LPP: variants seen among roughly 807,000 people sequenced by gnomAD.
LPP encodes lipoma-preferred partner.
In LPP, 38 loss-of-function variants were observed where a neutral mutation model predicts 60.4. That is an observed-to-expected ratio of 0.63 (90% CI 0.49 to 0.83). The LOEUF (loss-of-function observed/expected upper bound fraction) is 0.83, where lower values mean the gene tolerates loss of function less well. LPP is among the 40% of genes least tolerant of loss of function. The pLI, the probability that LPP is intolerant of heterozygous loss-of-function variation, is 0.00. For missense variants in LPP, 902 were observed against 783.6 expected (o/e 1.15, Z -1.80); for synonymous variants, 328 against 290.8 (o/e 1.13, Z -1.30).
At chr3:188,636,899 C>T (rs1848936403) in intron 7 of LPP, among the ~76,000 whole-genome samples, 1 of 144,752 alleles carries the variant, frequency 6.9e-6, no homozygotes, top group Non-Finnish European at 1.5e-5. Flanking sequence ...ACACCAAAAA[C>T]CCATCTGTAC....
At chr3:188,179,302 G>A (rs1194982296) in intron 1 of LPP, 2 of 458,200 alleles carry the variant, frequency 4.4e-6, no homozygotes, top group Non-Finnish European at 8.8e-6. Flanking sequence ...ACCCGTGCAT[G>A]TGCCTCTGAT....
intron 3 of LPP, among the ~76,000 whole-genome samples, chr3:188,387,686 C>A (rs1778672166): frequency 6.6e-6 from 1 of 151,748 alleles, no homozygotes; most frequent in African/African-American, 2.4e-5. Context: ...CTTGTGCCAG[C>A]CTCCCGAGTA....
At chr3:188,401,515 A>G (rs1379888012) in intron 3 of LPP, among the ~76,000 whole-genome samples, 2 of 152,154 alleles carry the variant, frequency 1.3e-5, no homozygotes, top group East Asian at 3.9e-4. Flanking sequence ...AAGATTTTTC[A>G]TGTGCTTTCT....
At chr3:188,278,177 T>C (rs754095986) in intron 2 of LPP, among the ~76,000 whole-genome samples, 2 of 152,308 alleles carry the variant, frequency 1.3e-5, no homozygotes, top group East Asian at 3.9e-4. Context: ...GTGATCCATA[T>C]TGGATGGATG....
At chr3:188,170,282 T>A (rs1721172476) in intron 1 of LPP, among the ~76,000 whole-genome samples, 1 of 152,106 alleles carries the variant, frequency 6.6e-6, no homozygotes, top group Non-Finnish European at 1.5e-5. Context: ...CTCTGCCTTG[T>A]GAATCACTCT....
intron 2 of LPP, among the ~76,000 whole-genome samples, chr3:188,263,333 G>A (rs925332383): frequency 2.3e-4 from 35 of 152,302 alleles, no homozygotes; most frequent in African/African-American, 8.4e-4. Flanking sequence ...ACCAGCTCCA[G>A]TCAGACTTCA....
chr3:188,370,295 A>G (rs1484423409), intron 3 of LPP, among the ~76,000 whole-genome samples: 1 of 152,174 alleles, frequency 6.6e-6, no homozygotes, highest in Admixed American at 6.5e-5. Context: ...ACAGCTATAC[A>G]GAGAGCTCAT....
At chr3:188,593,153 GGTGTGTGTGTGTGT>G (rs10678737) in intron 6 of LPP, among the ~76,000 whole-genome samples, 3 of 148,394 alleles carry the variant, frequency 2.0e-5, no homozygotes, top group East Asian at 2.0e-4. Flanking sequence ...TCTGATGCCT[GGTGTGTGTGTGTGT>G]GTGTGTGTGT....
chr3:188,731,082 A>G (rs999642101), intron 8 of LPP, among the ~76,000 whole-genome samples: 1 of 152,162 alleles, frequency 6.6e-6, no homozygotes, highest in African/African-American at 2.4e-5. Flanking sequence ...ATACAGTAGC[A>G]TGTTCATAGG....
At chr3:188,561,000 G>C (rs1193444985) in intron 6 of LPP, among the ~76,000 whole-genome samples, 2 of 152,080 alleles carry the variant, frequency 1.3e-5, no homozygotes, top group African/African-American at 4.8e-5. Flanking sequence ...ATTTCAAGCA[G>C]CATCCTTCTC....
intron 6 of LPP, among the ~76,000 whole-genome samples, chr3:188,545,207 A>G (rs1362964317): frequency 7.0e-5 from 10 of 142,788 alleles, no homozygotes; most frequent in Admixed American, 7.0e-4. Flanking sequence ...ATACATATGT[A>G]ACTAACCTGC....
In LPP at chr3:188,502,354, A is replaced by T. The variant is rs143893972; in HGVS notation, c.306+17650A>T. On this transcript the variant is annotated intron_variant, in intron 5 of 11. Transcript: ENST00000617246. ...TTGATGTATTGAGCCTCTTATTAAT[A>T]TAATGTTCTTCATCTCTTTTTTGTC... Among the ~76,000 whole-genome samples, 538 of 152,310 alleles carry T rather than the reference A, an allele frequency of 3.5e-3. 6 individuals are homozygous for T. Among genetic ancestry groups the T allele is most frequent in the African/African-American group, 0.012 (503 of 41,578 alleles).
intron 2 of LPP, among the ~76,000 whole-genome samples, chr3:188,283,051 T>A (rs7614199): frequency 0.71 from 108,509 of 151,974 alleles, 39,990 homozygotes; most frequent in African/African-American, 0.89. Flanking sequence ...AACTTGGTTT[T>A]GGAGCATGGC....
At position 188,669,793 on chromosome 3, in the gene LPP, C is replaced by T. The variant is rs1038400219; in HGVS notation, c.1114-38474C>T. 2.0e-5 allele frequency among the ~76,000 whole-genome samples: 3 copies of T among 152,270 alleles called. No individual in the cohort carries two copies. In the East Asian group the frequency reaches 5.8e-4, roughly 29 times the overall value. On this transcript the variant is annotated intron_variant, in intron 7 of 11. Coordinates refer to ENST00000617246, the MANE Select transcript of LPP (RefSeq NM_001375462.1). ...ATTATAAATCATGCTACTATAAAGA[C>T]ACATGCAGACGTATGTTTACTGCAG...
chr3:188,819,460 T>A (rs1160338994), intron 9 of LPP, among the ~76,000 whole-genome samples: 2 of 151,872 alleles, frequency 1.3e-5, no homozygotes, highest in Non-Finnish European at 2.9e-5. Flanking sequence ...CAAGGCCCCA[T>A]ACCCTGGGCA....
intron 4 of LPP, among the ~76,000 whole-genome samples, chr3:188,409,280 A>C (rs561311022): frequency 1.3e-5 from 2 of 152,146 alleles, no homozygotes; most frequent in Admixed American, 1.3e-4. Flanking sequence ...AATAACCTTT[A>C]CCTTTTCTGA....
intron 9 of LPP, among the ~76,000 whole-genome samples, chr3:188,789,758 CAA>C (rs1255527716): frequency 1.3e-5 from 2 of 151,770 alleles, no homozygotes; most frequent in Admixed American, 6.6e-5. Flanking sequence ...ATTTATTAGA[CAA>C]AAAGAGTGAA....
At chr3:188,859,379 C>G (rs747485596) in intron 9 of LPP, among the ~76,000 whole-genome samples, 15 of 152,164 alleles carry the variant, frequency 9.9e-5, no homozygotes, top group Non-Finnish European at 1.9e-4. Context: ...ATACTGCCTG[C>G]TCTCTCACCA....
At chr3:188,658,136 G>GCTTA (rs370594954) in intron 7 of LPP, among the ~76,000 whole-genome samples, 1 of 151,468 alleles carries the variant, frequency 6.6e-6, no homozygotes, top group Non-Finnish European at 1.5e-5. Context: ...GTTTAGTTTA[G>GCTTA]GTTAGTTTAG....
Sources: gnomAD v4.1 joint callset for allele counts (sites outside exome capture counted in the v4.1 genomes callset) on GRCh38, gnomAD v4.1.1 for gene constraint, MANE v1.5 for transcripts, NCBI Gene and HGNC (gene_info 2026-07-23, HGNC 2026-07-21) for gene names.